Variants in CCDC178 observed in about 807,000 individuals in gnomAD.
The protein encoded by CCDC178 is coiled-coil domain containing 178, also known as coiled-coil domain-containing protein 178.
In CCDC178, 126 loss-of-function variants were observed where a neutral mutation model predicts 117.4. The observed-to-expected ratio is 1.07, with a 90% CI of 0.93 to 1.24. The LOEUF (loss-of-function observed/expected upper bound fraction) is 1.24, where lower values mean the gene tolerates loss of function less well. CCDC178 is among the 50% of genes most tolerant of loss of function. CCDC178 has a pLI of 0.00. For missense variants in CCDC178, 1,030 were observed against 986.9 expected, an observed-to-expected ratio of 1.04 and a Z score of -0.59; for synonymous variants, 283 against 313.4, an observed-to-expected ratio of 0.90 and a Z score of 1.02.
chr18:33,419,961 ATAAAG>A (rs1017936003), intron 2 of CCDC178, among the ~76,000 whole-genome samples: 10 of 152,140 alleles, frequency 6.6e-5, no homozygotes, highest in African/African-American at 9.7e-5. Context: ...CCCCAAAAAA[ATAAAG>A]TATTCTACCA....
At chr18:33,109,343 G>T (rs898785947) in intron 20 of CCDC178, among the ~76,000 whole-genome samples, 2 of 151,526 alleles carry the variant, frequency 1.3e-5, no homozygotes, top group Admixed American at 1.3e-4. Context: ...AAATGTTATT[G>T]TACTCTTTCA....
At chr18:33,433,996 A>G (rs1194797421) in intron 2 of CCDC178, among the ~76,000 whole-genome samples, 3 of 152,160 alleles carry the variant, frequency 2.0e-5, no homozygotes, top group African/African-American at 7.2e-5. Context: ...TCTCAATACA[A>G]GCAATATTTA....
At chr18:32,943,999 G>C (rs947073977) in intron 22 of CCDC178, among the ~76,000 whole-genome samples, 1 of 152,112 alleles carries the variant, frequency 6.6e-6, no homozygotes, top group Non-Finnish European at 1.5e-5. Flanking sequence ...ATTTGCCTCT[G>C]TTATTTCTGA....
chr18:32,970,545 T>G (rs1471146868), intron 22 of CCDC178, among the ~76,000 whole-genome samples: 1 of 151,958 alleles, frequency 6.6e-6, no homozygotes, highest in Non-Finnish European at 1.5e-5. Context: ...TGAAAACCAA[T>G]AGCATCTGGT....
At chr18:32,979,421 AGT>A (rs1199087497) in intron 21 of CCDC178, among the ~76,000 whole-genome samples, 1 of 152,102 alleles carries the variant, frequency 6.6e-6, no homozygotes, top group Non-Finnish European at 1.5e-5. Flanking sequence ...AGCCTCCCAA[AGT>A]GCTGGGATTA....
chr18:33,369,429 A>G, intron 6 of CCDC178, among the ~76,000 whole-genome samples: 1 of 151,864 alleles, frequency 6.6e-6, no homozygotes. Flanking sequence ...AGGTCTCTGG[A>G]AAATTGATCT....
chr18:33,306,997 C>T (rs945950000), intron 11 of CCDC178, among the ~76,000 whole-genome samples: 1 of 152,144 alleles, frequency 6.6e-6, no homozygotes, highest in East Asian at 1.9e-4. Flanking sequence ...TTCCTGAGGC[C>T]TCCCCAGCCC....
chr18:33,360,777 T>A (rs1009480774), intron 6 of CCDC178, among the ~76,000 whole-genome samples: 2 of 151,608 alleles, frequency 1.3e-5, no homozygotes, highest in Non-Finnish European at 3.0e-5. Context: ...TGCCTTGGAA[T>A]AAGTCTAATC....
chr18:33,164,221 C>T (rs1208644127), intron 20 of CCDC178, among the ~76,000 whole-genome samples: 1 of 151,514 alleles, frequency 6.6e-6, no homozygotes, highest in African/African-American at 2.4e-5. Context: ...AATTCTCCTG[C>T]CTCAGCCAGC....
chr18:32,940,115 T>C (rs1052182318), intron 22 of CCDC178, among the ~76,000 whole-genome samples: 6 of 152,048 alleles, frequency 3.9e-5, no homozygotes, highest in Non-Finnish European at 8.8e-5. Context: ...TTTTTCATAT[T>C]ATGTTTTTAG....
chr18:33,199,914 T>C (rs1005737908), intron 20 of CCDC178, among the ~76,000 whole-genome samples: 9 of 152,184 alleles, frequency 5.9e-5, no homozygotes, highest in Non-Finnish European at 1.2e-4. Context: ...CAATTTATAG[T>C]TTCTGGTTTT....
At chr18:33,432,338 C>G (rs187576268) in intron 2 of CCDC178, among the ~76,000 whole-genome samples, 1 of 151,996 alleles carries the variant, frequency 6.6e-6, no homozygotes, top group Admixed American at 6.6e-5. Context: ...TCCATGCTTT[C>G]TATACCAGCA....
chr18:33,288,998 T>C (rs146851957), intron 12 of CCDC178, among the ~76,000 whole-genome samples: 1 of 152,270 alleles, frequency 6.6e-6, no homozygotes, highest in African/African-American at 2.4e-5. Flanking sequence ...TACTACTATC[T>C]ATTTAAGATC....
At chr18:33,163,694 T>C (rs1401701568) in intron 20 of CCDC178, among the ~76,000 whole-genome samples, 3 of 152,156 alleles carry the variant, frequency 2.0e-5, no homozygotes, top group African/African-American at 7.2e-5. Context: ...GACATGAAAA[T>C]AATATTTACT....
chr18:32,978,005 ATAG>A (rs2055063474), intron 21 of CCDC178, among the ~76,000 whole-genome samples: 2 of 152,134 alleles, frequency 1.3e-5, no homozygotes, highest in Admixed American at 1.3e-4. Context: ...AGCAAACTGA[ATAG>A]TAATGTTTTC....
At chr18:32,963,903 A>G (rs2054757612) in intron 22 of CCDC178, among the ~76,000 whole-genome samples, 2 of 152,020 alleles carry the variant, frequency 1.3e-5, no homozygotes, top group Non-Finnish European at 2.9e-5. Context: ...ATATTTTTCA[A>G]CTTAGCAGCA....
intron 11 of CCDC178, among the ~76,000 whole-genome samples, chr18:33,306,059 C>A (rs2062243872): frequency 6.6e-6 from 1 of 152,210 alleles, no homozygotes; most frequent in South Asian, 2.1e-4. Context: ...TTCTAAACTT[C>A]TCTGTCTTCC....
At chr18:33,313,162 C>T (rs556072684) in intron 11 of CCDC178, among the ~76,000 whole-genome samples, 2 of 152,240 alleles carry the variant, frequency 1.3e-5, no homozygotes, top group African/African-American at 4.8e-5. Context: ...TCCAGGTACA[C>T]CTATTCCATC....
At chr18:33,245,916 A>G (rs1291534486) in intron 14 of CCDC178, among the ~76,000 whole-genome samples, 1 of 151,884 alleles carries the variant, frequency 6.6e-6, no homozygotes, top group Non-Finnish European at 1.5e-5. Flanking sequence ...GATATTTTGC[A>G]GCATCTTCCA....
Sources: allele counts gnomAD v4.1 joint callset (sites outside exome capture counted in the v4.1 genomes callset), GRCh38; gene constraint gnomAD v4.1.1; transcripts MANE v1.5; gene names NCBI Gene and HGNC (gene_info 2026-07-23, HGNC 2026-07-21).